The following TRIM67 variants were observed in gnomAD, a reference collection of about 807,000 sequenced individuals.
TRIM67 encodes the protein tripartite motif-containing protein 67.
A neutral mutation model predicts 71.0 loss-of-function variants in TRIM67; 39 were observed. The ratio of observed to expected loss-of-function variants is 0.55; its 90% CI spans 0.43 to 0.72. The LOEUF is 0.72. Ranked by LOEUF, TRIM67 falls within the 30% of genes least tolerant of loss-of-function variation. The pLI, the probability that TRIM67 is intolerant of heterozygous loss-of-function variation, is 0.00. For synonymous variants in TRIM67, 481 were observed against 473.9 expected, an observed-to-expected ratio of 1.01 and a Z score of -0.19; for missense variants, 973 against 1,079.2, an observed-to-expected ratio of 0.90 and a Z score of 1.38.
intron 5 of TRIM67, among the ~76,000 whole-genome samples, chr1:231,202,817 A>T (rs986998488): frequency 6.6e-6 from 1 of 152,152 alleles, no homozygotes; most frequent in Non-Finnish European, 1.5e-5. Flanking sequence ...AGCCTGGCAG[A>T]GTGGATGAGC....
intron 1 of TRIM67, among the ~76,000 whole-genome samples, chr1:231,195,780 C>T (rs1024269951): frequency 3.9e-5 from 6 of 152,344 alleles, no homozygotes; most frequent in Admixed American, 2.6e-4. Flanking sequence ...TGCATCAGAA[C>T]CCCCTGGAGG....
rs1257793245 is a variant in TRIM67, at chr1:231,203,940, G to A, written c.1608G>A (p.Met536Ile). The change falls in exon 6 of 10, where the codon ATG becomes ATA. Residue 536 changes from methionine (M) to isoleucine (I), a missense_variant. Transcript: ENST00000366653. The part of the protein sequence containing the change: ...RNNSVTLAWR[M>I]PPFTHSPVDG... ...ACAGCGTCACGCTGGCCTGGAGGATGCCACCCTTCACCCACAGCCCCGTGG... is the reference window on the plus strand; with the variant it reads ...ACAGCGTCACGCTGGCCTGGAGGATACCACCCTTCACCCACAGCCCCGTGG... 1 of 1,614,012 alleles carries A rather than the reference G, an allele frequency of 6.2e-7. No homozygotes were observed. Among genetic ancestry groups the A allele is most frequent in the South Asian group, 1.1e-5 (1 of 91,086 alleles).
At chr1:231,212,472 C>G (rs941615187) in intron 8 of TRIM67, among the ~76,000 whole-genome samples, 1 of 152,140 alleles carries the variant, frequency 6.6e-6, no homozygotes, top group Non-Finnish European at 1.5e-5. Flanking sequence ...ATTAAAAGGT[C>G]AATTGGAGTT....
At position 231,219,442 on chromosome 1, in the gene TRIM67, T is replaced by C. The variant is rs967366265; in HGVS notation, c.*4002T>C. On this transcript the variant is annotated 3_prime_UTR_variant, in exon 10 of 10. Transcript: ENST00000366653. ...TGCTTTGTTCCATAGAAAGCCTGTA[T>C]GTGACAAAGCTGCCAGCCTTTATCT... 1.1e-5 allele frequency: 11 copies of C among 1,039,004 alleles called. No individual in the cohort carries two copies. The highest frequency in any genetic ancestry group is 1.8e-4 in the East Asian group (2 of 10,926). The allele number at this position is 1,039,004 out of a possible 1,614,324, so 64.4% of individuals were successfully genotyped here.
At position 231,220,021 on chromosome 1, in the gene TRIM67, C is replaced by A; in HGVS notation, c.*4581C>A. The stretch of plus-strand genomic sequence containing the variant: ...CTTATCCTTTCTGTGCCTCAGTATC[C>A]CCACCTGAAATGAGACTAGTCATAC... On this transcript the variant is annotated 3_prime_UTR_variant, in exon 10 of 10. Coordinates refer to ENST00000366653, the MANE Select transcript of TRIM67 (RefSeq NM_001004342.5). 8.4e-7 allele frequency: 1 copy of A among 1,187,542 alleles called. No homozygotes were observed. The highest frequency in any genetic ancestry group is 1.1e-6 in the Non-Finnish European group (1 of 895,542). 73.6% of individuals were successfully genotyped at this position (1,187,542 alleles called of 1,614,324 possible). A position where few individuals can be genotyped will look rare whatever the true frequency, so the allele number is the denominator to read the frequency against.
intron 1 of TRIM67, chr1:231,184,180 T>A (rs1471182955): frequency 6.6e-6 from 1 of 152,104 alleles, no homozygotes; most frequent in Admixed American, 6.5e-5. Context: ...AAGGCACGTC[T>A]GCCAGAACAA....
In TRIM67 at chr1:231,217,952, G is replaced by A. The variant is rs928263746; in HGVS notation, c.*2512G>A. 6 of 1,261,968 alleles carry A rather than the reference G, an allele frequency of 4.8e-6. No homozygotes were observed. In the African/African-American group the frequency reaches 9.2e-5, roughly 19 times the overall value. The allele number at this position is 1,261,968 out of a possible 1,614,324, so 78.2% of individuals were successfully genotyped here. The stretch of plus-strand genomic sequence containing the variant: ...TCCCCACTGCCACCCTGAGCTTGGG[G>A]GCTGGGATTCTCCCTTTTCTGACTC... On this transcript the variant is annotated 3_prime_UTR_variant, in exon 10 of 10. Transcript: ENST00000366653.
chr1:231,169,031 A>G (rs375806057), intron 1 of TRIM67, among the ~76,000 whole-genome samples: 2 of 152,084 alleles, frequency 1.3e-5, no homozygotes, highest in Admixed American at 6.6e-5. Flanking sequence ...GCTCATTCTC[A>G]TTCTGAGTGG....
rs112491157 is a variant in TRIM67, at chr1:231,202,398, G to A, written c.1534+881G>A. Among the ~76,000 whole-genome samples the A allele has an allele frequency of 1.8e-3, 267 of 152,198 alleles. 1 individual carries two copies. The highest frequency in any genetic ancestry group is 6.1e-3 in the African/African-American group (254 of 41,506). Reference sequence around the variant, plus strand: ...GGATAGCAAGTCCAAAGTCCCTGAGGCAAGAATCAGTTTTCTCTGTCCCAA... The same window carrying A: ...GGATAGCAAGTCCAAAGTCCCTGAGACAAGAATCAGTTTTCTCTGTCCCAA... On this transcript the variant is annotated intron_variant, in intron 5 of 9. Transcript: ENST00000366653.
chr1:231,204,083 C>T, intron 6 of TRIM67, 71 bp downstream of exon 6: 1 of 1,587,764 alleles, frequency 6.3e-7, no homozygotes, highest in Non-Finnish European at 8.6e-7. Flanking sequence ...TCCCACTGCC[C>T]CAGACTCTGG....
chr1:231,191,345 G>C (rs1437320488), intron 1 of TRIM67, among the ~76,000 whole-genome samples: 2 of 152,160 alleles, frequency 1.3e-5, no homozygotes, highest in African/African-American at 4.8e-5. Flanking sequence ...GTTTACAGGC[G>C]TGAGCCACCG....
rs772475082 is a variant in TRIM67 at position 231,213,979 on chromosome 1, TAC to T, written c.2286+7_2286+8del. 1.9e-6 allele frequency: 3 copies of T among 1,607,898 alleles called. No individual in the cohort carries two copies. In the Admixed American group the frequency reaches 5.0e-5, roughly 27 times the overall value. ...CTCAGCCTCAACCGCAACGTGCAGG[TAC>T]ACACCTCCCCAGGGCCGGACCTGGT... On this transcript the variant is annotated splice_donor_region_variant and intron_variant, in intron 9 of 9. Transcript: ENST00000366653.
In TRIM67 at chr1:231,216,384, C is replaced by A. The variant is rs1684014485; in HGVS notation, c.*944C>A. The stretch of plus-strand genomic sequence containing the variant: ...CGTGAAAACACAAGAATTTTAACAA[C>A]TATGTCATAGGTCTTCGCCTGGTGA... On this transcript the variant is annotated 3_prime_UTR_variant, in exon 10 of 10. Coordinates refer to ENST00000366653, the MANE Select transcript of TRIM67 (RefSeq NM_001004342.5). The A allele has an allele frequency of 2.0e-6, 2 of 985,448 alleles. No homozygotes were observed. Among genetic ancestry groups the A allele is most frequent in the Non-Finnish European group, 2.4e-6 (2 of 829,928 alleles). The allele number at this position is 985,448 out of a possible 1,614,324, so 61.0% of individuals were successfully genotyped here.
chr1:231,206,397 C>T (rs906295985), intron 6 of TRIM67, among the ~76,000 whole-genome samples: 9 of 151,990 alleles, frequency 5.9e-5, no homozygotes, highest in African/African-American at 1.9e-4. Flanking sequence ...GCCGAGATCA[C>T]GCCACTCCAC....
At chr1:231,170,181 TC>T (rs1366977907) in intron 1 of TRIM67, among the ~76,000 whole-genome samples, 1 of 152,054 alleles carries the variant, frequency 6.6e-6, no homozygotes, top group Non-Finnish European at 1.5e-5. Context: ...AGATGGGGTT[TC>T]CCCGTGTTGG....
intron 1 of TRIM67, among the ~76,000 whole-genome samples, chr1:231,175,926 C>T (rs1393827302): frequency 6.6e-6 from 1 of 152,182 alleles, no homozygotes; most frequent in Non-Finnish European, 1.5e-5. Flanking sequence ...CCACAGGTCT[C>T]AGGGCATCTG....
At chr1:231,181,818 C>G (rs1317877994) in intron 1 of TRIM67, among the ~76,000 whole-genome samples, 2 of 152,150 alleles carry the variant, frequency 1.3e-5, no homozygotes, top group Non-Finnish European at 2.9e-5. Context: ...TGACAACCTG[C>G]TTTTCCTTTG....
rs1028233751 is a variant in TRIM67 at position 231,215,304 on chromosome 1, G to A, written c.2287-71G>A. ...AGCAGGGGATCCTGCCGGTGTCTGC[G>A]GTGCTGTCAGAGCCCTCAGGGTCCC... is the stretch of plus-strand genomic sequence containing the variant. On this transcript the variant is annotated intron_variant, in intron 9 of 9. Transcript: ENST00000366653. 2.6e-5 allele frequency: 41 copies of A among 1,555,422 alleles called. No homozygotes were observed. The African/African-American group carries it at 3.3e-4, about 12-fold the overall frequency.
Position 231,163,835 on chromosome 1 carries a change from C to CG in TRIM67, c.871dup (p.Ala291GlyfsTer17). The CG allele has an allele frequency of 6.5e-7, 1 of 1,529,788 alleles. No homozygotes were observed. Among genetic ancestry groups the CG allele is most frequent in the Non-Finnish European group, 8.8e-7 (1 of 1,136,760 alleles). 94.8% of individuals were successfully genotyped at this position (1,529,788 alleles called of 1,614,324 possible). On this transcript the variant is annotated frameshift_variant, in exon 1 of 10. Coordinates refer to ENST00000366653, the MANE Select transcript of TRIM67 (RefSeq NM_001004342.5). LOFTEE classifies it high-confidence loss of function. ...TGCAAGAGCCCGGGAGGCGCGGGGGCGGGGGCGACTGGGGGCAGCACGGCC... is the reference window on the plus strand; with the variant it reads ...TGCAAGAGCCCGGGAGGCGCGGGGGCGGGGGGCGACTGGGGGCAGCACGGCC...
Sources: allele counts gnomAD v4.1 joint callset (sites outside exome capture counted in the v4.1 genomes callset), GRCh38; gene constraint gnomAD v4.1.1; transcripts MANE v1.5; gene names NCBI Gene and HGNC (gene_info 2026-07-23, HGNC 2026-07-21).